Variants in TMEM185A observed in about 807,000 individuals in gnomAD.
The protein encoded by TMEM185A is transmembrane protein 185A.
Under a neutral mutation model 25.0 loss-of-function variants are expected in TMEM185A, and 9 were observed. That is an observed-to-expected ratio of 0.36 (90% CI 0.22 to 0.63). The LOEUF is 0.63. TMEM185A is among the 20% of genes least tolerant of loss of function. The pLI is 0.68. For synonymous variants in TMEM185A, 45 were observed against 93.5 expected, an observed-to-expected ratio of 0.48 and a Z score of 2.99; for missense variants, 103 against 237.4, an observed-to-expected ratio of 0.43 and a Z score of 3.72.
chrX:149,617,058 C>G, intron 1 of TMEM185A, among the ~76,000 whole-genome samples: 1 of 112,272 alleles, frequency 8.9e-6, no homozygotes, highest in African/African-American at 3.2e-5. Context: ...GGTGGTACAA[C>G]TGGATAAATG....
chrX:149,626,697 G>T, intron 1 of TMEM185A, among the ~76,000 whole-genome samples: 1 of 112,537 alleles, frequency 8.9e-6, no homozygotes, highest in Non-Finnish European at 1.9e-5. Flanking sequence ...AGTATTTACT[G>T]ATCATTATTT....
At chrX:149,622,694 C>T (rs782131284) in intron 1 of TMEM185A, among the ~76,000 whole-genome samples, 1 of 110,983 alleles carries the variant, frequency 9.0e-6, no homozygotes, top group Non-Finnish European at 1.9e-5. Flanking sequence ...TGCGTTCGCT[C>T]AAGATGCTCA....
At chrX:149,619,827 T>C (rs1213220875) in intron 1 of TMEM185A, among the ~76,000 whole-genome samples, 1 of 111,788 alleles carries the variant, frequency 8.9e-6, no homozygotes, top group Non-Finnish European at 1.9e-5. Context: ...ACAAAGGACA[T>C]GAACTCATCA....
At chrX:149,627,891 G>C (rs1280736584) in intron 1 of TMEM185A, among the ~76,000 whole-genome samples, 1 of 112,230 alleles carries the variant, frequency 8.9e-6, no homozygotes, top group Admixed American at 9.4e-5. Flanking sequence ...AACTGTTAGA[G>C]GCCAGGTAGC....
intron 1 of TMEM185A, among the ~76,000 whole-genome samples, chrX:149,627,104 G>T (rs2090167661): frequency 9.0e-6 from 1 of 111,501 alleles, no homozygotes; most frequent in African/African-American, 3.3e-5. Flanking sequence ...GTCGGGCTGG[G>T]GGGTGGTAAG....
intron 1 of TMEM185A, among the ~76,000 whole-genome samples, chrX:149,615,624 T>C (rs2090106573): frequency 9.0e-6 from 1 of 111,347 alleles, no homozygotes; most frequent in Non-Finnish European, 1.9e-5. Flanking sequence ...ACAAGGTAAA[T>C]TTACAAAAAT....
At chrX:149,620,306 C>T (rs1176016923) in intron 1 of TMEM185A, among the ~76,000 whole-genome samples, 1 of 112,102 alleles carries the variant, frequency 8.9e-6, no homozygotes, top group Non-Finnish European at 1.9e-5. Context: ...TCCATGAAAA[C>T]AGCAGCTTGT....
intron 1 of TMEM185A, among the ~76,000 whole-genome samples, chrX:149,618,491 A>G (rs2090122269): frequency 1.8e-5 from 2 of 111,471 alleles, no homozygotes; most frequent in African/African-American, 6.5e-5. Flanking sequence ...GTACCTCATA[A>G]GGTGGCTACG....
chrX:149,623,621 G>GA (rs374915115), intron 1 of TMEM185A, among the ~76,000 whole-genome samples: 57 of 93,474 alleles, frequency 6.1e-4, no homozygotes, highest in Admixed American at 1.4e-3. Flanking sequence ...AGAAAACAAA[G>GA]AAAAAAAAAA....
Position 149,601,469 on chromosome X carries a change from C to T in TMEM185A, c.508-990G>A, listed in dbSNP as rs1439679667. On this transcript the variant is annotated intron_variant, in intron 4 of 6. Transcript: ENST00000600449. ...CGGCAAACACTGATCTGTTCTCTCA[C>T]TGTACTTTTGTCTCTGCTGGAACTT... The T allele has an allele frequency of 3.1e-5, 3 of 98,241 alleles. 1 individual carries two copies. The highest frequency in any genetic ancestry group is 3.0e-4 in the Admixed American group (3 of 9,968). 8.1% of individuals were successfully genotyped at this position (98,241 alleles called of 1,213,427 possible).
chrX:149,604,745 G>A lies in TMEM185A; in HGVS notation c.424-675C>T, dbSNP rs781898593. The stretch of plus-strand genomic sequence containing the variant: ...CCATTCCCAGCTTCCTTGTGATCTG[G>A]CCTCCACCCCCATGACCACCAGAAG... On this transcript the variant is annotated intron_variant, in intron 3 of 6. Coordinates refer to ENST00000600449, the MANE Select transcript of TMEM185A (RefSeq NM_032508.4). Among the ~76,000 whole-genome samples, 5 of 111,196 alleles carry A rather than the reference G, an allele frequency of 4.5e-5. No homozygotes were observed. In the East Asian group the frequency reaches 1.4e-3, roughly 31 times the overall value.
At chrX:149,602,657 T>G (rs948611078) in intron 4 of TMEM185A, among the ~76,000 whole-genome samples, 2 of 112,603 alleles carry the variant, frequency 1.8e-5, no homozygotes, top group Admixed American at 1.9e-4. Context: ...TTTCTTCTCA[T>G]TTGTGGAAAG....
At chrX:149,631,004 T>G (rs1385435035) in intron 1 of TMEM185A, among the ~76,000 whole-genome samples, 1 of 111,023 alleles carries the variant, frequency 9.0e-6, no homozygotes, top group African/African-American at 3.3e-5. Context: ...GGTATTGCCA[T>G]ACCCCGACAC....
At chrX:149,626,832 G>A (rs1289948897) in intron 1 of TMEM185A, among the ~76,000 whole-genome samples, 3 of 112,268 alleles carry the variant, frequency 2.7e-5, no homozygotes, top group Non-Finnish European at 5.6e-5. Context: ...GGATGTGCAC[G>A]CAGGCTAGAT....
intron 1 of TMEM185A, among the ~76,000 whole-genome samples, chrX:149,620,059 C>T (rs1353336256): frequency 5.4e-5 from 6 of 111,242 alleles, no homozygotes; most frequent in Non-Finnish European, 1.1e-4. Context: ...CTAGTTCAAC[C>T]GTTGTGGAAG....
chrX:149,631,730 C>A lies in TMEM185A; in HGVS notation c.-150G>T, dbSNP rs2090196534. 1 of 407,490 alleles carries A rather than the reference C, an allele frequency of 2.5e-6. No homozygotes were observed. The highest frequency in any genetic ancestry group is 3.5e-6 in the Non-Finnish European group (1 of 288,971). 33.6% of individuals were successfully genotyped at this position (407,490 alleles called of 1,213,427 possible). On this transcript the variant is annotated 5_prime_UTR_variant, in exon 1 of 7. Transcript: ENST00000600449. ...CTGCCGTCCCCGCTGCCGTCGCCGT[C>A]GCCGTCGCCGCCGCCGCCGCCGCCG... is the stretch of plus-strand genomic sequence containing the variant.
At chrX:149,602,649 T>C (rs782082362) in intron 4 of TMEM185A, among the ~76,000 whole-genome samples, 18 of 112,710 alleles carry the variant, frequency 1.6e-4, no homozygotes, top group Middle Eastern at 4.6e-3. Flanking sequence ...AAAAAATCTT[T>C]CTTCTCATTT....
At chrX:149,619,090 CT>C (rs2090125837) in intron 1 of TMEM185A, among the ~76,000 whole-genome samples, 1 of 111,760 alleles carries the variant, frequency 8.9e-6, no homozygotes, top group African/African-American at 3.2e-5. Flanking sequence ...TATCAATGAC[CT>C]TTTTGTACTC....
chrX:149,607,701 A>C (rs1557353752), intron 3 of TMEM185A, among the ~76,000 whole-genome samples: 4 of 112,490 alleles, frequency 3.6e-5, no homozygotes, highest in African/African-American at 1.3e-4. Flanking sequence ...TGAATAAACA[A>C]ACACAGGGGC....
Sources: allele counts gnomAD v4.1 joint callset (sites outside exome capture counted in the v4.1 genomes callset), GRCh38; gene constraint gnomAD v4.1.1; transcripts MANE v1.5; gene names NCBI Gene and HGNC (gene_info 2026-07-23, HGNC 2026-07-21).